TRA2B: variants seen among roughly 807,000 people sequenced by gnomAD.
TRA2B encodes transformer 2 beta homolog, also known as transformer-2 protein homolog beta.
A neutral mutation model predicts 41.7 loss-of-function variants in TRA2B; 14 were observed. That is an observed-to-expected ratio of 0.34 (90% CI 0.22 to 0.53). TRA2B has a LOEUF of 0.53. Among genes scored for constraint, TRA2B ranks in the 20% least tolerant of loss-of-function variants. The pLI is 0.95. For synonymous variants in TRA2B, 130 were observed against 128.8 expected (o/e 1.01, Z -0.06); for missense variants, 167 against 396.8 (o/e 0.42, Z 4.92).
chr3:185,935,683 C>T, intron 1 of TRA2B: 3 of 985,382 alleles, frequency 3.0e-6, no homozygotes, highest in Non-Finnish European at 3.6e-6. Flanking sequence ...TCATTTACAC[C>T]ACAGGCATGT....
chr3:185,918,267 A>G (rs1004724761), intron 8 of TRA2B, 98 bp downstream of exon 8: 3 of 886,478 alleles, frequency 3.4e-6, no homozygotes, highest in Admixed American at 4.5e-5. Context: ...TAGGTATGAA[A>G]CTACCTGAAA....
At chr3:185,931,954 A>T in intron 1 of TRA2B, 37 of 707,686 alleles carry the variant, frequency 5.2e-5, no homozygotes, top group Non-Finnish European at 6.4e-5. Context: ...GTTGATTTGG[A>T]TTAAAAAAAA....
At chr3:185,931,587 G>A in intron 1 of TRA2B, 1 of 1,263,040 alleles carries the variant, frequency 7.9e-7, no homozygotes, top group Non-Finnish European at 1.0e-6. Context: ...TTAGCGTAGT[G>A]CTTTCTGATT....
chr3:185,931,908 G>C (rs1164142884), intron 1 of TRA2B: 3 of 1,191,038 alleles, frequency 2.5e-6, no homozygotes, highest in Admixed American at 4.0e-5. Context: ...ATAAAATCCA[G>C]TGCCAAAACT....
At chr3:185,923,707 G>A in intron 4 of TRA2B, 89 bp downstream of exon 4, 1 of 1,287,098 alleles carries the variant, frequency 7.8e-7, no homozygotes, top group South Asian at 1.6e-5. Flanking sequence ...TTACTGACTT[G>A]TCCTTGTCCT....
chr3:185,916,150 A>G lies in TRA2B; in HGVS notation c.*1565T>C, dbSNP rs1030915674. ...GGCAAACACTGAAAACACCCTGGAC[A>G]GTAAGTTTTACAAATTAAGACCTGC... On this transcript the variant is annotated 3_prime_UTR_variant, in exon 9 of 9. Coordinates refer to ENST00000453386, the MANE Select transcript of TRA2B (RefSeq NM_004593.3). 2.0e-5 allele frequency: 3 copies of G among 152,230 alleles called. No homozygotes were observed. Among genetic ancestry groups the G allele is most frequent in the African/African-American group, 7.2e-5 (3 of 41,450 alleles). 9.4% of individuals were successfully genotyped at this position (152,230 alleles called of 1,614,324 possible).
At chr3:185,935,225 G>A in intron 1 of TRA2B, 1 of 985,428 alleles carries the variant, frequency 1.0e-6, no homozygotes, top group South Asian at 4.7e-5. Context: ...TGGGGGAAGA[G>A]TCTTGAATCC....
chr3:185,920,380 T>TTG (rs1743672308), intron 6 of TRA2B, among the ~76,000 whole-genome samples: 1 of 152,188 alleles, frequency 6.6e-6, no homozygotes, highest in African/African-American at 2.4e-5. Flanking sequence ...AGGTGGGGTC[T>TTG]TGCTCTGGGG....
chr3:185,934,538 CG>C (rs1453445994), intron 1 of TRA2B: 6 of 985,220 alleles, frequency 6.1e-6, no homozygotes, highest in Non-Finnish European at 7.2e-6. Context: ...ATATTTCAAC[CG>C]GGTTTCAAGA....
At chr3:185,923,687 G>A (rs1743828803) in intron 4 of TRA2B, 109 bp downstream of exon 4, 1 of 1,048,638 alleles carries the variant, frequency 9.5e-7, no homozygotes, top group Non-Finnish European at 1.3e-6. Context: ...TGGAGAAAAA[G>A]TTCGAAGTAT....
At chr3:185,933,620 G>C (rs2150119161) in intron 1 of TRA2B, among the ~76,000 whole-genome samples, 1 of 152,198 alleles carries the variant, frequency 6.6e-6, no homozygotes, top group East Asian at 1.9e-4. Context: ...GTTATGGAAA[G>C]GTCAATGCTC....
chr3:185,931,956 T>TA (rs34361789), intron 1 of TRA2B: 13,422 of 508,140 alleles, frequency 0.026, 66 homozygotes, highest in African/African-American at 0.045. Flanking sequence ...TGATTTGGAT[T>TA]AAAAAAAAAA....
rs199557171 is a variant in TRA2B, at chr3:185,937,110, C to G, written c.36+715G>C. ...GGTCTGTCCTAATAGAATACTGATACAGATTTTTGCCTGGGAAGCCCTTTC... is the reference window on the plus strand; with the variant it reads ...GGTCTGTCCTAATAGAATACTGATAGAGATTTTTGCCTGGGAAGCCCTTTC... On this transcript the variant is annotated intron_variant, in intron 1 of 8. Transcript: ENST00000453386. The G allele has an allele frequency of 4.1e-6, 4 of 985,326 alleles. No individual in the cohort carries two copies. In the South Asian group the frequency reaches 1.9e-4, roughly 46 times the overall value. 61.0% of individuals were successfully genotyped at this position (985,326 alleles called of 1,614,324 possible).
intron 1 of TRA2B, chr3:185,931,907 AG>A: frequency 7.9e-7 from 1 of 1,261,604 alleles, no homozygotes; most frequent in South Asian, 2.1e-5. Flanking sequence ...GATAAAATCC[AG>A]TGCCAAAACT....
At chr3:185,922,187 C>T in intron 4 of TRA2B, 61 bp from the exon 5 acceptor site, 1 of 1,269,688 alleles carries the variant, frequency 7.9e-7, no homozygotes, top group Middle Eastern at 1.9e-4. Context: ...TATCCTGTGG[C>T]TATGAGTAAG....
chr3:185,925,254 G>T (rs1247492580), intron 3 of TRA2B: 6 of 474,284 alleles, frequency 1.3e-5, no homozygotes, highest in East Asian at 4.0e-5. Context: ...TTACACCATT[G>T]TGTCAGTATT....
At chr3:185,926,401 C>G (rs1743954006) in intron 2 of TRA2B, among the ~76,000 whole-genome samples, 200 bp downstream of exon 2, 1 of 152,138 alleles carries the variant, frequency 6.6e-6, no homozygotes, top group South Asian at 2.1e-4. Flanking sequence ...CCCAAACCAG[C>G]AAAAATAGAA....
chr3:185,920,245 A>G (rs565781694), intron 6 of TRA2B, among the ~76,000 whole-genome samples: 1 of 152,332 alleles, frequency 6.6e-6, no homozygotes, highest in Admixed American at 6.5e-5. Context: ...TGCATGCATT[A>G]AGAGATTACA....
intron 1 of TRA2B, among the ~76,000 whole-genome samples, chr3:185,930,001 C>A (rs989541611): frequency 6.6e-6 from 1 of 152,160 alleles, no homozygotes. Flanking sequence ...CGGCCTCCTC[C>A]TCATCTTCCC....
Sources: gnomAD v4.1 joint callset for allele counts (sites outside exome capture counted in the v4.1 genomes callset) on GRCh38, gnomAD v4.1.1 for gene constraint, MANE v1.5 for transcripts, NCBI Gene and HGNC (gene_info 2026-07-23, HGNC 2026-07-21) for gene names.